ARHGAP29: variants seen among roughly 807,000 people sequenced by gnomAD.
ARHGAP29 encodes the protein Rho GTPase activating protein 29.
Under a neutral mutation model 122.6 loss-of-function variants are expected in ARHGAP29, and 43 were observed. That is an observed-to-expected ratio of 0.35 (90% CI 0.27 to 0.45). The LOEUF (loss-of-function observed/expected upper bound fraction) is 0.45. Among genes scored for constraint, ARHGAP29 ranks in the 20% least tolerant of loss-of-function variants. The probability of loss-of-function intolerance (pLI) is 1.00; values close to 1 mark genes in which losing one functional copy is unlikely to be tolerated. For synonymous variants in ARHGAP29, 506 were observed against 497.1 expected (o/e 1.02, Z -0.24); for missense variants, 1,303 against 1,477.2 (o/e 0.88, Z 1.93).
the ARHGAP29 span, among the ~76,000 whole-genome samples, chr1:94,310,055 T>A: frequency 1.2e-4 from 18 of 152,268 alleles, no homozygotes; most frequent in Middle Eastern, 3.4e-3. Context: ...TGAACAAAAA[T>A]GTCATTAAGA....
At chr1:94,224,934 A>C (rs1430850653) in intron 2 of ARHGAP29, among the ~76,000 whole-genome samples, 1 of 152,164 alleles carries the variant, frequency 6.6e-6, no homozygotes, top group Admixed American at 6.5e-5. Flanking sequence ...CTTAAGTTAC[A>C]CTATGAAGAA....
the ARHGAP29 span, among the ~76,000 whole-genome samples, chr1:94,288,500 A>C: frequency 6.6e-6 from 1 of 152,068 alleles, no homozygotes; most frequent in Non-Finnish European, 1.5e-5. Flanking sequence ...TCTTTAGTTT[A>C]ATTAGATCCC....
At chr1:94,185,667 C>A (rs1649753334) in intron 16 of ARHGAP29, among the ~76,000 whole-genome samples, 186 bp from the exon 17 acceptor site, 1 of 152,060 alleles carries the variant, frequency 6.6e-6, no homozygotes, top group African/African-American at 2.4e-5. Context: ...TCTTAAAAGG[C>A]ACATTTATGA....
chr1:94,260,683 G>T (rs953053965), intron 1 of ARHGAP29, among the ~76,000 whole-genome samples: 9 of 152,176 alleles, frequency 5.9e-5, no homozygotes, highest in African/African-American at 2.2e-4. Flanking sequence ...CACAGAAAAA[G>T]AAACCATGTG....
At chr1:94,236,869 C>T (rs1190098267) in intron 1 of ARHGAP29, among the ~76,000 whole-genome samples, 1 of 152,068 alleles carries the variant, frequency 6.6e-6, no homozygotes, top group Non-Finnish European at 1.5e-5. Flanking sequence ...GCAGTCAGGG[C>T]AGGTGGGAGC....
chr1:94,184,754 A>G lies in ARHGAP29; in HGVS notation c.2109+118T>C, dbSNP rs561172899. On this transcript the variant is annotated intron_variant, in intron 18 of 22. Transcript: ENST00000260526. ...GGGCAACAGAGTGAGACCGTGTCTC[A>G]GAAACAGAACAAAACAAAAAAAACC... 171 of 852,566 alleles carry G rather than the reference A, an allele frequency of 2.0e-4. No individual in the cohort carries two copies. In the African/African-American group the frequency reaches 2.8e-3, roughly 14 times the overall value. 52.8% of individuals were successfully genotyped at this position (852,566 alleles called of 1,614,324 possible).
intron 2 of ARHGAP29, among the ~76,000 whole-genome samples, chr1:94,221,661 G>A (rs1245604221): frequency 1.3e-5 from 2 of 150,282 alleles, no homozygotes; most frequent in Admixed American, 6.6e-5. Flanking sequence ...ACAAATGTAT[G>A]TGCACATATG....
chr1:94,300,628 C>T, the ARHGAP29 span, among the ~76,000 whole-genome samples: 4 of 152,146 alleles, frequency 2.6e-5, no homozygotes, highest in African/African-American at 9.7e-5. Context: ...TAATTATATT[C>T]ATGTGGGTGA....
chr1:94,258,259 A>G (rs1654435583), intron 1 of ARHGAP29, among the ~76,000 whole-genome samples: 1 of 152,218 alleles, frequency 6.6e-6, no homozygotes, highest in Non-Finnish European at 1.5e-5. Context: ...GCCAATTTGT[A>G]CATTACAGTA....
rs71094285 is a variant in ARHGAP29 at position 94,211,287 on chromosome 1, CAA to C, written c.341-1939_341-1938del. ...GGGCGACAGAGCAAGGCTCTGGCTC[CAA>C]AAAAAAAAAAAAAAAAAAAAAAAAG... On this transcript the variant is annotated intron_variant, in intron 3 of 22. Transcript: ENST00000260526. Among the ~76,000 whole-genome samples, 47 of 35,984 alleles carry C rather than the reference CAA, an allele frequency of 1.3e-3. 1 individual carries two copies. Among genetic ancestry groups the C allele is most frequent in the East Asian group, 4.5e-3 (5 of 1,114 alleles). 23.6% of individuals were successfully genotyped at this position (35,984 alleles called of 152,430 possible). A position where few individuals can be genotyped will look rare whatever the true frequency, so the allele number is the denominator to read the frequency against.
intron 20 of ARHGAP29, 134 bp downstream of exon 20, chr1:94,179,591 T>TAAA (rs1649320077): frequency 2.3e-6 from 1 of 433,432 alleles, no homozygotes; most frequent in African/African-American, 7.8e-5. Context: ...AGACTCTGTC[T>TAAA]CAAAAAAAAA....
Position 94,202,685 on chromosome 1 carries a change from T to C in ARHGAP29, c.1002A>G (p.Gln334=), listed in dbSNP as rs200290075. The C allele has an allele frequency of 3.7e-6, 6 of 1,614,184 alleles. No individual in the cohort carries two copies. The highest frequency in any genetic ancestry group is 4.5e-5 in the East Asian group (2 of 44,886). The change falls in exon 11 of 23, where the codon CAA becomes CAG. Residue 334 remains glutamine, a synonymous_variant. Transcript: ENST00000260526. ...TTGCTTTCTCATATTCATCTTGACG[T>C]TGCATGCATAATAATTTTGCCTTTT... The part of the protein sequence containing the change: ...ALKKAKLLCM[Q]RQDEYEKAKS...
the ARHGAP29 span, among the ~76,000 whole-genome samples, chr1:94,310,272 A>G: frequency 6.6e-6 from 1 of 152,172 alleles, no homozygotes; most frequent in African/African-American, 2.4e-5. Flanking sequence ...AGGGTGGGGA[A>G]ACAGTGAAGA....
intron 1 of ARHGAP29, among the ~76,000 whole-genome samples, chr1:94,264,168 G>C (rs771953719): frequency 6.6e-6 from 1 of 152,206 alleles, no homozygotes; most frequent in Non-Finnish European, 1.5e-5. Flanking sequence ...AGTAGCTGTA[G>C]TGAGATGGCG....
chr1:94,233,625 G>A (rs542196958), intron 1 of ARHGAP29, among the ~76,000 whole-genome samples: 26 of 152,220 alleles, frequency 1.7e-4, no homozygotes, highest in African/African-American at 6.3e-4. Context: ...ACCTACCTGT[G>A]CAATGTCATA....
At chr1:94,300,440 CT>C in the ARHGAP29 span, among the ~76,000 whole-genome samples, 1 of 152,204 alleles carries the variant, frequency 6.6e-6, no homozygotes, top group Admixed American at 6.5e-5. Context: ...AATAACACCT[CT>C]GGTTTCCACC....
At chr1:94,196,696 T>C (rs1557852722) in intron 12 of ARHGAP29, among the ~76,000 whole-genome samples, 1 of 152,112 alleles carries the variant, frequency 6.6e-6, no homozygotes, top group African/African-American at 2.4e-5. Flanking sequence ...TCTCCCACCA[T>C]AATAGAATTA....
intron 1 of ARHGAP29, among the ~76,000 whole-genome samples, chr1:94,265,684 T>C (rs1225349151): frequency 6.6e-6 from 1 of 152,220 alleles, no homozygotes. Flanking sequence ...TATCTAACAG[T>C]TGTGGGGGTC....
At chr1:94,183,684 A>T (rs943853811) in intron 19 of ARHGAP29, among the ~76,000 whole-genome samples, 13 of 152,204 alleles carry the variant, frequency 8.5e-5, no homozygotes, top group African/African-American at 3.1e-4. Flanking sequence ...CCAGCCTATG[A>T]TCCAGACACT....
Sources: gnomAD v4.1 joint callset for allele counts (sites outside exome capture counted in the v4.1 genomes callset) on GRCh38, gnomAD v4.1.1 for gene constraint, MANE v1.5 for transcripts, NCBI Gene and HGNC (gene_info 2026-07-23, HGNC 2026-07-21) for gene names.